ZNF146: variants seen among roughly 807,000 people sequenced by gnomAD.
The protein encoded by ZNF146 is zinc finger protein 146, also known as zinc finger protein OZF.
Under a neutral mutation model 22.2 loss-of-function variants are expected in ZNF146, and 9 were observed. That is an observed-to-expected ratio of 0.41 (90% CI 0.24 to 0.71). The LOEUF is 0.71. Among genes scored for constraint, ZNF146 ranks in the 30% least tolerant of loss-of-function variants. The pLI is 0.34. For synonymous variants in ZNF146, 108 were observed against 119.2 expected, an observed-to-expected ratio of 0.91 and a Z score of 0.61; for missense variants, 194 against 344.8, an observed-to-expected ratio of 0.56 and a Z score of 3.46.
intron 2 of ZNF146, among the ~76,000 whole-genome samples, chr19:36,219,244 C>T (rs919754826): frequency 2.6e-5 from 4 of 152,164 alleles, no homozygotes; most frequent in African/African-American, 9.7e-5. Flanking sequence ...GCAGCCTCCA[C>T]CTCCTGGGCT....
rs1181201117 is a variant in ZNF146, at chr19:36,237,227, A to G, written c.787A>G (p.Thr263Ala). ...STLALHLRIH[T>A]GKKPYQCSEC... is the part of the protein sequence containing the mutation. ...CCTTGCTCTGCATTTGAGAATACACACAGGTAAGAAGCCTTATCAGTGCAG... is the reference window on the plus strand; with the variant it reads ...CCTTGCTCTGCATTTGAGAATACACGCAGGTAAGAAGCCTTATCAGTGCAG... The change falls in exon 4 of 4, where the codon ACA (threonine) becomes GCA (alanine). Residue 263 changes from threonine (T) to alanine (A), a missense_variant. By Grantham distance (58) the Thr-to-Ala change is moderately conservative. Transcript: ENST00000443387. 1 of 1,613,988 alleles carries G rather than the reference A, an allele frequency of 6.2e-7. No homozygotes were observed. The highest frequency in any genetic ancestry group is 1.3e-5 in the African/African-American group (1 of 74,922).
At chr19:36,223,342 C>CAAA (rs375158030) in intron 2 of ZNF146, among the ~76,000 whole-genome samples, 4 of 131,764 alleles carry the variant, frequency 3.0e-5, no homozygotes, top group Non-Finnish European at 3.3e-5. Flanking sequence ...GACTCCGTCT[C>CAAA]AAAAAAAAAA....
Position 36,237,139 on chromosome 19 carries a change from C to T in ZNF146, c.699C>T (p.Ser233=). ...QSSSLTVHVR[S]HTGEKPYGCN... ...CATCTCTCACTGTGCATGTGAGAAGCCATACAGGGGAGAAGCCCTATGGTT... is the reference window on the plus strand; with the variant it reads ...CATCTCTCACTGTGCATGTGAGAAGTCATACAGGGGAGAAGCCCTATGGTT... Residue 233 remains serine, a synonymous_variant, in exon 4 of 4, where the codon AGC becomes AGT. Transcript: ENST00000443387. The T allele has an allele frequency of 6.2e-7, 1 of 1,614,108 alleles. No individual in the cohort carries two copies. Among genetic ancestry groups the T allele is most frequent in the Non-Finnish European group, 8.5e-7 (1 of 1,180,008 alleles).
At position 36,237,079 on chromosome 19, in the gene ZNF146, A is replaced by C; in HGVS notation, c.639A>C (p.Glu213Asp). The change falls in exon 4 of 4, where the codon GAA (glutamate) becomes GAC (aspartate). Residue 213 changes from glutamate (E) to aspartate (D), a missense_variant. Physicochemically the swap from Glu to Asp is conservative, Grantham distance 45 (BLOSUM62 2). Transcript: ENST00000443387. ...TTCATTCAGGTGATAAACCTTACGAATGCAATGTTTGTGGAAAAGCCTTCT... is the reference window on the plus strand; with the variant it reads ...TTCATTCAGGTGATAAACCTTACGACTGCAATGTTTGTGGAAAAGCCTTCT... ...VRIHSGDKPY[E>D]CNVCGKAFSQ... 6.2e-7 allele frequency: 1 copy of C among 1,614,178 alleles called. No homozygotes were observed. Among genetic ancestry groups the C allele is most frequent in the South Asian group, 1.1e-5 (1 of 91,076 alleles).
At chr19:36,224,976 C>T (rs202043492) in intron 2 of ZNF146, among the ~76,000 whole-genome samples, 1 of 151,818 alleles carries the variant, frequency 6.6e-6, no homozygotes, top group East Asian at 1.9e-4. Context: ...TCCCTGCTTT[C>T]CTTAGTTATT....
chr19:36,233,947 C>T (rs1021165775), intron 3 of ZNF146, among the ~76,000 whole-genome samples: 2 of 147,606 alleles, frequency 1.4e-5, no homozygotes, highest in Non-Finnish European at 2.9e-5. Context: ...CAGGTCTTTC[C>T]CTTCCCGCGG....
At chr19:36,216,945 G>A (rs1160720713) in intron 1 of ZNF146, among the ~76,000 whole-genome samples, 2 of 151,716 alleles carry the variant, frequency 1.3e-5, no homozygotes, top group African/African-American at 4.8e-5. Flanking sequence ...CGTAGTCCTA[G>A]CTGCTTGGGA....
At chr19:36,230,238 T>C (rs1977268496) in intron 3 of ZNF146, among the ~76,000 whole-genome samples, 1 of 152,258 alleles carries the variant, frequency 6.6e-6, no homozygotes, top group South Asian at 2.1e-4. Context: ...TAAACCCATT[T>C]ACGTTTCTAC....
chr19:36,233,761 T>G (rs941075217), intron 3 of ZNF146, among the ~76,000 whole-genome samples: 5 of 152,156 alleles, frequency 3.3e-5, no homozygotes, highest in African/African-American at 1.2e-4. Flanking sequence ...CCTAAGGCGG[T>G]TTTCCCCTAT....
chr19:36,224,505 T>TA (rs996109672), intron 2 of ZNF146, among the ~76,000 whole-genome samples: 6 of 152,352 alleles, frequency 3.9e-5, no homozygotes, highest in Admixed American at 2.0e-4. Flanking sequence ...GACACTGCTA[T>TA]AGCCCAGGTG....
Position 36,221,534 on chromosome 19 carries a change from C to T in ZNF146, c.-855+3339C>T, listed in dbSNP as rs890866264. 3.3e-5 allele frequency among the ~76,000 whole-genome samples: 5 copies of T among 151,986 alleles called. No individual in the cohort carries two copies. The East Asian group carries it at 5.8e-4, about 18-fold the overall frequency. On this transcript the variant is annotated intron_variant, in intron 2 of 3. Coordinates refer to ENST00000443387, the MANE Select transcript of ZNF146 (RefSeq NM_007145.3). ...TGATCTCCTGACCTCGTGATCCACC[C>T]GCATCAGCCTCCCAAAGTACTGGGA...
chr19:36,235,861 A>T lies in ZNF146; in HGVS notation c.-580A>T, dbSNP rs1267046733. 3 of 152,278 alleles carry T rather than the reference A, an allele frequency of 2.0e-5. No individual in the cohort carries two copies. The highest frequency in any genetic ancestry group is 4.4e-5 in the Non-Finnish European group (3 of 68,090). 9.4% of individuals were successfully genotyped at this position (152,278 alleles called of 1,614,324 possible). On this transcript the variant is annotated 5_prime_UTR_variant, in exon 4 of 4. Coordinates refer to ENST00000443387, the MANE Select transcript of ZNF146 (RefSeq NM_007145.3). ...GTTTTCAGTTTGAAACACAACCTGG[A>T]CTGAAATCATGAGGGAGGTTGTGTA...
rs944879120 is a variant in ZNF146, at chr19:36,228,810, A to T, written c.-792A>T. ...TATGGTGGAGAAAGAAGTGGGAAGG[A>T]TCTGCGCGGGTGAGTAAATGACAGG... On this transcript the variant is annotated 5_prime_UTR_variant, in exon 3 of 4. Transcript: ENST00000443387. The T allele has an allele frequency of 1.3e-5, 2 of 152,312 alleles. No individual in the cohort carries two copies. Among genetic ancestry groups the T allele is most frequent in the South Asian group, 4.1e-4 (2 of 4,826 alleles). 9.4% of individuals were successfully genotyped at this position (152,312 alleles called of 1,614,324 possible).
At chr19:36,230,419 A>G (rs117715500) in intron 3 of ZNF146, among the ~76,000 whole-genome samples, 1 of 152,234 alleles carries the variant, frequency 6.6e-6, no homozygotes, top group Non-Finnish European at 1.5e-5. Flanking sequence ...AATGTATACT[A>G]TCAGATAGTG....
At chr19:36,217,055 C>CTT (rs752632008) in intron 1 of ZNF146, among the ~76,000 whole-genome samples, 3,882 of 65,744 alleles carry the variant, frequency 0.059, 546 homozygotes, top group Non-Finnish European at 0.081. Flanking sequence ...CAGTCCCTGT[C>CTT]TTTTTTTTTT....
intron 3 of ZNF146, among the ~76,000 whole-genome samples, chr19:36,235,369 T>G (rs895379163): frequency 3.1e-4 from 47 of 152,200 alleles, no homozygotes; most frequent in African/African-American, 1.1e-3. Flanking sequence ...TCAAGAGTAC[T>G]TTCAGCTTTG....
intron 3 of ZNF146, among the ~76,000 whole-genome samples, chr19:36,233,916 G>T (rs1038054222): frequency 2.0e-5 from 3 of 152,026 alleles, no homozygotes; most frequent in African/African-American, 7.3e-5. Context: ...ACCCTTTACG[G>T]GTGTCGGACT....
At chr19:36,233,999 A>G (rs1489388675) in intron 3 of ZNF146, among the ~76,000 whole-genome samples, 5 of 152,152 alleles carry the variant, frequency 3.3e-5, no homozygotes, top group African/African-American at 1.2e-4. Flanking sequence ...ACCTTGGACA[A>G]TACCTGGCTT....
In ZNF146 at chr19:36,237,243, A is replaced by G; in HGVS notation, c.803A>G (p.Tyr268Cys). Residue 268 changes from tyrosine to cysteine, a missense_variant, in exon 4 of 4, where the codon TAT (tyrosine) becomes TGT (cysteine). Transcript: ENST00000443387. ...AGAATACACACAGGTAAGAAGCCTT[A>G]TCAGTGCAGTGAATGTGGGAAAGCT... ...HLRIHTGKKP[Y>C]QCSECGKAFS... is the part of the protein sequence containing the mutation. The G allele has an allele frequency of 6.2e-7, 1 of 1,614,148 alleles. No homozygotes were observed. Among genetic ancestry groups the G allele is most frequent in the Non-Finnish European group, 8.5e-7 (1 of 1,179,998 alleles).
Sources: allele counts gnomAD v4.1 joint callset (sites outside exome capture counted in the v4.1 genomes callset), GRCh38; gene constraint gnomAD v4.1.1; transcripts MANE v1.5; gene names NCBI Gene and HGNC (gene_info 2026-07-23, HGNC 2026-07-21).